The following TMCO4 variants were observed in gnomAD, a reference collection of about 807,000 sequenced individuals.
TMCO4 encodes transmembrane and coiled-coil domains 4.
A neutral mutation model predicts 64.7 loss-of-function variants in TMCO4; 58 were observed. The ratio of observed to expected loss-of-function variants is 0.90; its 90% CI spans 0.73 to 1.12. The LOEUF (loss-of-function observed/expected upper bound fraction) is 1.12. TMCO4 is among the 50% of genes most tolerant of loss of function. The pLI is 0.00. For missense variants in TMCO4, 780 were observed against 825.9 expected (o/e 0.94, Z 0.68); for synonymous variants, 325 against 346.1 (o/e 0.94, Z 0.68).
At chr1:19,756,537 A>G (rs2042264107) in intron 6 of TMCO4, among the ~76,000 whole-genome samples, 1 of 152,254 alleles carries the variant, frequency 6.6e-6, no homozygotes, top group South Asian at 2.1e-4. Flanking sequence ...TGCTGTATTT[A>G]TAATATGAAA....
Position 19,700,753 on chromosome 1 carries a change from G to A in TMCO4, c.1382+15C>T, listed in dbSNP as rs140422246. ...AGCATTGTCACTTCCCCGCTGGCAC[G>A]AGGTTTGGACAGACCTGCAGTAGCC... On this transcript the variant is annotated intron_variant, in intron 14 of 15. Coordinates refer to ENST00000294543, the MANE Select transcript of TMCO4 (RefSeq NM_181719.7). The A allele has an allele frequency of 1.0e-5, 16 of 1,606,944 alleles. No homozygotes were observed. Among genetic ancestry groups the A allele is most frequent in the African/African-American group, 6.7e-5 (5 of 74,776 alleles).
rs772635020 is a variant in TMCO4, at chr1:19,739,888, A to C, written c.1115T>G (p.Val372Gly). 2 of 1,613,188 alleles carry C rather than the reference A, an allele frequency of 1.2e-6. No homozygotes were observed. Among genetic ancestry groups the C allele is most frequent in the African/African-American group, 1.3e-5 (1 of 74,670 alleles). Residue 372 changes from valine to glycine, a missense_variant, in exon 12 of 16, where the codon GTG (valine) becomes GGG (glycine). Val to Gly is a moderately radical substitution (Grantham distance 109). Coordinates refer to ENST00000294543, the MANE Select transcript of TMCO4 (RefSeq NM_181719.7). ...AACCTCTGCTGATCGATGGAGACAC[A>C]CCCCCCAGGGGTTGTCGATGACATT... is the stretch of plus-strand genomic sequence containing the variant. The part of the protein sequence containing the change: ...VANVIDNPWG[V>G]CLHRSAEVGK...
intron 6 of TMCO4, among the ~76,000 whole-genome samples, chr1:19,759,650 T>A (rs1371521728): frequency 2.0e-5 from 3 of 152,206 alleles, no homozygotes; most frequent in Non-Finnish European, 4.4e-5. Context: ...CTGCCCCAGA[T>A]CTCTGCTCAG....
intron 13 of TMCO4, among the ~76,000 whole-genome samples, chr1:19,735,161 C>T (rs1414084314): frequency 6.6e-6 from 1 of 152,196 alleles, no homozygotes; most frequent in African/African-American, 2.4e-5. Context: ...ATCTACACAA[C>T]ACTCACCACA....
At chr1:19,791,365 G>T (rs141867854) in intron 2 of TMCO4, among the ~76,000 whole-genome samples, 14 of 152,152 alleles carry the variant, frequency 9.2e-5, no homozygotes, top group South Asian at 4.2e-4. Context: ...AATAGCAAGG[G>T]TTGGTGGGAC....
intron 4 of TMCO4, among the ~76,000 whole-genome samples, chr1:19,772,663 T>G (rs951568435): frequency 3.9e-5 from 6 of 152,158 alleles, no homozygotes; most frequent in African/African-American, 1.4e-4. Context: ...AAGCCAGGTC[T>G]GTCTCCAAAA....
intron 14 of TMCO4, 27 bp from the exon 15 acceptor site, chr1:19,694,578 A>T: frequency 6.2e-7 from 1 of 1,605,854 alleles, no homozygotes; most frequent in Non-Finnish European, 8.5e-7. Flanking sequence ...AAGCATGTGA[A>T]CATTAGCACC....
At position 19,690,454 on chromosome 1, in the gene TMCO4, C is replaced by T. The variant is rs546066077; in HGVS notation, c.1500+3980G>A. ...TGCCCAGGTGCTGCCACTTTCCCCT[C>T]GAGGCAACACGCCTGGTCTGGCCAC... On this transcript the variant is annotated intron_variant, in intron 15 of 15. Coordinates refer to ENST00000294543, the MANE Select transcript of TMCO4 (RefSeq NM_181719.7). Among the ~76,000 whole-genome samples the T allele has an allele frequency of 2.8e-3, 423 of 152,348 alleles. 1 individual carries two copies. Among genetic ancestry groups the T allele is most frequent in the African/African-American group, 9.2e-3 (381 of 41,582 alleles).
At chr1:19,747,453 T>C (rs2041843980) in intron 7 of TMCO4, among the ~76,000 whole-genome samples, 193 bp from the exon 8 acceptor site, 1 of 152,154 alleles carries the variant, frequency 6.6e-6, no homozygotes, top group African/African-American at 2.4e-5. Flanking sequence ...CCGGGGAATC[T>C]CAGTGTATGG....
chr1:19,759,494 G>T (rs1464637315), intron 6 of TMCO4, among the ~76,000 whole-genome samples: 1 of 152,158 alleles, frequency 6.6e-6, no homozygotes, highest in Non-Finnish European at 1.5e-5. Context: ...TGGTCTGCAA[G>T]ACTGCACATT....
intron 4 of TMCO4, among the ~76,000 whole-genome samples, chr1:19,771,958 T>A (rs188529836): frequency 6.6e-6 from 1 of 152,094 alleles, no homozygotes; most frequent in Non-Finnish European, 1.5e-5. Flanking sequence ...GTGCCCAGCC[T>A]GGGTGATGTG....
At chr1:19,744,732 G>A (rs560158042) in intron 10 of TMCO4, among the ~76,000 whole-genome samples, 14 of 151,148 alleles carry the variant, frequency 9.3e-5, no homozygotes, top group Admixed American at 4.6e-4. Context: ...CTGGTTTATC[G>A]GGCTAACTCC....
intron 14 of TMCO4, among the ~76,000 whole-genome samples, chr1:19,695,645 C>G (rs931730864): frequency 6.6e-6 from 1 of 152,130 alleles, no homozygotes; most frequent in Non-Finnish European, 1.5e-5. Flanking sequence ...TGTGTGACCA[C>G]AGGCAAGTCC....
chr1:19,730,303 T>C (rs2095425136), intron 13 of TMCO4, among the ~76,000 whole-genome samples: 1 of 152,224 alleles, frequency 6.6e-6, no homozygotes, highest in Admixed American at 6.5e-5. Flanking sequence ...CCTGGGCATC[T>C]ACAACAACCA....
At chr1:19,702,310 G>A (rs2095278530) in intron 13 of TMCO4, among the ~76,000 whole-genome samples, 1 of 139,968 alleles carries the variant, frequency 7.1e-6, no homozygotes, top group African/African-American at 2.7e-5. Flanking sequence ...AAAAAGTCAG[G>A]GCCCGGCACA....
intron 10 of TMCO4, among the ~76,000 whole-genome samples, chr1:19,742,948 G>A (rs921356191): frequency 2.0e-5 from 3 of 152,130 alleles, no homozygotes; most frequent in Admixed American, 6.5e-5. Flanking sequence ...TACTCTCGAG[G>A]CTGAGGCAGG....
At chr1:19,688,754 CTATGAG>C (rs1434652541) in intron 15 of TMCO4, among the ~76,000 whole-genome samples, 3 of 152,204 alleles carry the variant, frequency 2.0e-5, no homozygotes, top group Admixed American at 6.5e-5. Context: ...TGCAGGACCT[CTATGAG>C]GATCAAATGA....
At chr1:19,777,282 G>A (rs1329649390) in intron 4 of TMCO4, among the ~76,000 whole-genome samples, 2 of 151,586 alleles carry the variant, frequency 1.3e-5, no homozygotes, top group African/African-American at 4.9e-5. Flanking sequence ...GTATGGAGCT[G>A]CAGCAGCTAT....
chr1:19,682,367 A>T lies in TMCO4; in HGVS notation c.*673T>A. ...CCATACTGAATGCAATTCAGCATGT[A>T]TTCACCATGCTCTGTTAGTGGTGTC... On this transcript the variant is annotated 3_prime_UTR_variant, in exon 16 of 16. Coordinates refer to ENST00000294543, the MANE Select transcript of TMCO4 (RefSeq NM_181719.7). 1 of 471,874 alleles carries T rather than the reference A, an allele frequency of 2.1e-6. No individual in the cohort carries two copies. The highest frequency in any genetic ancestry group is 3.8e-6 in the Non-Finnish European group (1 of 261,540). The allele number at this position is 471,874 out of a possible 1,614,324, so 29.2% of individuals were successfully genotyped here. A position where few individuals can be genotyped will look rare whatever the true frequency, so the allele number is the denominator to read the frequency against.
Sources: allele counts gnomAD v4.1 joint callset (sites outside exome capture counted in the v4.1 genomes callset), GRCh38; gene constraint gnomAD v4.1.1; transcripts MANE v1.5; gene names NCBI Gene and HGNC (gene_info 2026-07-23, HGNC 2026-07-21).